Variants in KCNIP4 observed in about 807,000 individuals in gnomAD.
The protein encoded by KCNIP4 is Kv channel-interacting protein 4.
In KCNIP4, 12 loss-of-function variants were observed where a neutral mutation model predicts 34.0. That is an observed-to-expected ratio of 0.35 (90% CI 0.23 to 0.57). The LOEUF is 0.57. Ranked by LOEUF, KCNIP4 falls within the 20% of genes least tolerant of loss-of-function variation. KCNIP4 has a pLI of 0.83. For missense variants in KCNIP4, 238 were observed against 311.7 expected, an observed-to-expected ratio of 0.76 and a Z score of 1.78; for synonymous variants, 124 against 102.2, an observed-to-expected ratio of 1.21 and a Z score of -1.29.
chr4:21,894,659 T>C (rs965670942), intron 1 of KCNIP4, among the ~76,000 whole-genome samples: 13 of 152,354 alleles, frequency 8.5e-5, no homozygotes, highest in African/African-American at 2.6e-4. Flanking sequence ...ACATTCTGAT[T>C]AGTGTTATTT....
chr4:20,910,961 AG>A (rs1291344591), intron 1 of KCNIP4, among the ~76,000 whole-genome samples: 1 of 152,200 alleles, frequency 6.6e-6, no homozygotes, highest in Non-Finnish European at 1.5e-5. Context: ...TATTAAAAAA[AG>A]GGATATCTTC....
At chr4:20,851,516 T>C (rs575110090) in intron 2 of KCNIP4, among the ~76,000 whole-genome samples, 8 of 152,318 alleles carry the variant, frequency 5.3e-5, no homozygotes, top group African/African-American at 1.4e-4. Context: ...ATCTTTATAA[T>C]AGAATGAATT....
intron 1 of KCNIP4, among the ~76,000 whole-genome samples, chr4:21,430,190 G>T (rs1726312073): frequency 6.6e-6 from 1 of 151,866 alleles, no homozygotes; most frequent in Admixed American, 6.6e-5. Context: ...TTATCTTAAT[G>T]AACTAAAATA....
intron 1 of KCNIP4, among the ~76,000 whole-genome samples, chr4:21,246,206 C>G (rs1275810430): frequency 6.6e-6 from 1 of 152,118 alleles, no homozygotes; most frequent in East Asian, 1.9e-4. Context: ...GCCCAGGACA[C>G]CCTTTCCCTA....
chr4:21,096,794 C>G (rs11735508), intron 1 of KCNIP4, among the ~76,000 whole-genome samples: 21,680 of 151,916 alleles, frequency 0.14, 1,748 homozygotes, highest in East Asian at 0.23. Flanking sequence ...TTTAATAAAG[C>G]CTCTTAGAAT....
At chr4:20,878,843 A>G (rs1251236973) in intron 2 of KCNIP4, among the ~76,000 whole-genome samples, 1 of 152,162 alleles carries the variant, frequency 6.6e-6, no homozygotes, top group Non-Finnish European at 1.5e-5. Context: ...AGAGATCATA[A>G]AAGTCTGAGC....
chr4:21,011,558 T>C (rs1026512387), intron 1 of KCNIP4, among the ~76,000 whole-genome samples: 2 of 152,214 alleles, frequency 1.3e-5, no homozygotes, highest in African/African-American at 2.4e-5. Flanking sequence ...TTTAAATTTA[T>C]AGAAAATGTT....
At chr4:21,321,379 T>C (rs1034691754) in intron 1 of KCNIP4, among the ~76,000 whole-genome samples, 2 of 152,128 alleles carry the variant, frequency 1.3e-5, no homozygotes, top group African/African-American at 4.8e-5. Context: ...TAAATGCCTA[T>C]TATGTGGCTA....
chr4:21,258,906 G>A (rs767571730), intron 1 of KCNIP4, among the ~76,000 whole-genome samples: 13 of 151,942 alleles, frequency 8.6e-5, no homozygotes, highest in South Asian at 6.2e-4. Flanking sequence ...GCTAGAATAC[G>A]GAAACATTAA....
chr4:21,805,509 C>A (rs1721239442), intron 1 of KCNIP4, among the ~76,000 whole-genome samples: 1 of 152,232 alleles, frequency 6.6e-6, no homozygotes, highest in African/African-American at 2.4e-5. Flanking sequence ...GCCTCCCCAG[C>A]CGTGTGGAAC....
intron 1 of KCNIP4, among the ~76,000 whole-genome samples, chr4:21,099,698 G>T (rs1036579940): frequency 1.3e-5 from 2 of 152,118 alleles, no homozygotes; most frequent in Non-Finnish European, 2.9e-5. Context: ...TCCTCTGATG[G>T]ATCTGGGAAA....
At chr4:21,439,472 C>T (rs1727253782) in intron 1 of KCNIP4, among the ~76,000 whole-genome samples, 1 of 152,310 alleles carries the variant, frequency 6.6e-6, no homozygotes, top group Admixed American at 6.5e-5. Context: ...AACAAAGCCC[C>T]TTCCCAACCT....
chr4:21,221,647 G>A (rs1051031299), intron 1 of KCNIP4, among the ~76,000 whole-genome samples: 6 of 152,132 alleles, frequency 3.9e-5, no homozygotes, highest in Non-Finnish European at 7.3e-5. Flanking sequence ...TGCAATTCAA[G>A]ATGATATTCG....
intron 1 of KCNIP4, among the ~76,000 whole-genome samples, chr4:21,841,044 G>A (rs1234520432): frequency 6.6e-6 from 1 of 151,974 alleles, no homozygotes; most frequent in Non-Finnish European, 1.5e-5. Flanking sequence ...ATTATAAATT[G>A]CTTTTTATAT....
At chr4:21,881,007 A>G (rs918293615) in intron 1 of KCNIP4, among the ~76,000 whole-genome samples, 1 of 152,198 alleles carries the variant, frequency 6.6e-6, no homozygotes, top group Non-Finnish European at 1.5e-5. Flanking sequence ...TTGTTTGGGA[A>G]GACATTTGTA....
intron 1 of KCNIP4, among the ~76,000 whole-genome samples, chr4:21,440,334 C>T (rs985955542): frequency 1.3e-5 from 2 of 152,184 alleles, no homozygotes; most frequent in African/African-American, 4.8e-5. Flanking sequence ...CACAGAAGTA[C>T]AGATCAATAC....
chr4:21,361,662 G>A (rs1177500732), intron 1 of KCNIP4, among the ~76,000 whole-genome samples: 1 of 150,656 alleles, frequency 6.6e-6, no homozygotes, highest in African/African-American at 2.4e-5. Flanking sequence ...AAATCCTAAA[G>A]TCTCTCAGAT....
intron 1 of KCNIP4, among the ~76,000 whole-genome samples, chr4:21,486,048 C>T (rs747307034): frequency 2.6e-5 from 4 of 152,150 alleles, no homozygotes; most frequent in Non-Finnish European, 5.9e-5. Context: ...AAATCAACCT[C>T]GATTTTTCCC....
At chr4:21,084,407 T>C (rs1399034860) in intron 1 of KCNIP4, among the ~76,000 whole-genome samples, 2 of 149,842 alleles carry the variant, frequency 1.3e-5, no homozygotes, top group East Asian at 1.9e-4. Flanking sequence ...ATGGCAATGA[T>C]GGGGCAGTGG....
Sources: gnomAD v4.1 joint callset for allele counts (sites outside exome capture counted in the v4.1 genomes callset) on GRCh38, gnomAD v4.1.1 for gene constraint, MANE v1.5 for transcripts, NCBI Gene and HGNC (gene_info 2026-07-23, HGNC 2026-07-21) for gene names.